CLEC16A: variants seen among roughly 807,000 people sequenced by gnomAD.
CLEC16A encodes the protein C-type lectin domain containing 16A, also known as protein CLEC16A.
A neutral mutation model predicts 109.5 loss-of-function variants in CLEC16A; 51 were observed. That is an observed-to-expected ratio of 0.47 (90% CI 0.37 to 0.59). The LOEUF is 0.59. Ranked by LOEUF, CLEC16A falls within the 20% of genes least tolerant of loss-of-function variation. CLEC16A has a pLI of 0.00. For synonymous variants in CLEC16A, 673 were observed against 564.2 expected (o/e 1.19, Z -2.73); for missense variants, 1,339 against 1,394.0 (o/e 0.96, Z 0.63).
chr16:10,988,398 C>A (rs2043800316), intron 10 of CLEC16A, among the ~76,000 whole-genome samples: 1 of 152,050 alleles, frequency 6.6e-6, no homozygotes, highest in South Asian at 2.1e-4. Context: ...CCTGGGCTTC[C>A]CTCCTCCCAT....
intron 22 of CLEC16A, among the ~76,000 whole-genome samples, chr16:11,144,482 A>G (rs923365759): frequency 6.6e-6 from 1 of 151,330 alleles, no homozygotes; most frequent in African/African-American, 2.4e-5. Flanking sequence ...AAGAAAAGCC[A>G]CCCTCCCCTC....
chr16:11,021,517 G>A (rs2046096489), intron 12 of CLEC16A, among the ~76,000 whole-genome samples: 1 of 152,218 alleles, frequency 6.6e-6, no homozygotes, highest in Non-Finnish European at 1.5e-5. Flanking sequence ...GGAGGATTAG[G>A]CCAGGCATGG....
At chr16:11,020,539 T>A (rs1179074244) in intron 12 of CLEC16A, among the ~76,000 whole-genome samples, 2 of 131,778 alleles carry the variant, frequency 1.5e-5, no homozygotes, top group Admixed American at 7.2e-5. Flanking sequence ...GCAAAGAGAT[T>A]CGCCAGGATA....
In CLEC16A at chr16:11,179,410, C is replaced by T. The variant is rs969383069; in HGVS notation, c.*720C>T. 1 of 152,082 alleles carries T rather than the reference C, an allele frequency of 6.6e-6. No individual in the cohort carries two copies. The highest frequency in any genetic ancestry group is 1.9e-4 in the East Asian group (1 of 5,192). The allele number at this position is 152,082 out of a possible 1,614,324, so 9.4% of individuals were successfully genotyped here. On this transcript the variant is annotated 3_prime_UTR_variant, in exon 24 of 24. Transcript: ENST00000409790. ...TGGAAAGTTTGGATTATTTTTTAAA[C>T]AAAAACAAGGGAGATACATGTATTC...
rs1204538560 is a variant in CLEC16A, at chr16:11,174,257, C to T, written c.2807-4078C>T. The T allele has an allele frequency of 4.3e-6, 2 of 465,384 alleles. No homozygotes were observed. The highest frequency in any genetic ancestry group is 2.0e-5 in the African/African-American group (1 of 50,086). The allele number at this position is 465,384 out of a possible 1,614,324, so 28.8% of individuals were successfully genotyped here. ...GCTCCGAACGGCAGCTGCCACGGCA[C>T]CTCACGCACAGTCAATTCAGGCAGG... On this transcript the variant is annotated intron_variant, in intron 23 of 23. Coordinates refer to ENST00000409790, the MANE Select transcript of CLEC16A (RefSeq NM_015226.3). The surrounding 1 kb of genome is among the most constrained non-coding windows in gnomAD (Gnocchi z 4.7).
intron 1 of CLEC16A, among the ~76,000 whole-genome samples, chr16:10,949,361 G>A (rs1297229671): frequency 2.6e-5 from 4 of 152,134 alleles, no homozygotes; most frequent in Non-Finnish European, 4.4e-5. Flanking sequence ...GGGAGCACAG[G>A]GAGTTAGGAA....
chr16:11,131,857 G>A (rs2153048191), intron 22 of CLEC16A, among the ~76,000 whole-genome samples: 1 of 152,250 alleles, frequency 6.6e-6, no homozygotes, highest in African/African-American at 2.4e-5. Context: ...ACACAATCCA[G>A]CCCTTCAGCC....
At chr16:11,096,839 T>C (rs1056251515) in intron 19 of CLEC16A, among the ~76,000 whole-genome samples, 3 of 152,214 alleles carry the variant, frequency 2.0e-5, no homozygotes, top group African/African-American at 7.2e-5. Flanking sequence ...TTTGCGTTGA[T>C]GTAAATGAAA....
At chr16:11,125,284 A>G (rs1475670234) in intron 21 of CLEC16A, among the ~76,000 whole-genome samples, 1 of 151,914 alleles carries the variant, frequency 6.6e-6, no homozygotes, top group African/African-American at 2.4e-5. Context: ...TTCTTTTAAG[A>G]TTTATTTTCA....
intron 22 of CLEC16A, among the ~76,000 whole-genome samples, chr16:11,161,526 C>A (rs1055630958): frequency 6.6e-6 from 1 of 152,026 alleles, no homozygotes; most frequent in Non-Finnish European, 1.5e-5. Flanking sequence ...ATTTCCACAT[C>A]CCCACTCCTA....
intron 2 of CLEC16A, 138 bp downstream of exon 2, chr16:10,958,048 T>C: frequency 1.4e-6 from 1 of 714,660 alleles, no homozygotes; most frequent in Non-Finnish European, 2.0e-6. Context: ...TCTGTCTAGC[T>C]GTAAAAAAAA....
intron 19 of CLEC16A, among the ~76,000 whole-genome samples, chr16:11,076,195 G>A (rs1219359649): frequency 6.6e-6 from 1 of 152,130 alleles, no homozygotes; most frequent in African/African-American, 2.4e-5. Flanking sequence ...TTCCCATTGT[G>A]GTGTCAGCTC....
At chr16:11,069,834 G>A (rs1009431082) in intron 19 of CLEC16A, among the ~76,000 whole-genome samples, 3 of 152,198 alleles carry the variant, frequency 2.0e-5, no homozygotes, top group Admixed American at 6.5e-5. Context: ...TATTTACATA[G>A]CCATCTCATT....
At position 10,979,376 on chromosome 16, in the gene CLEC16A, G is replaced by T; in HGVS notation, c.951G>T (p.Leu317=). ...GCCTGCCGGTGTCTCTTTATCTTCTGTCACAGGTATGCTTGATCATTCACC... is the reference window on the plus strand; with the variant it reads ...GCCTGCCGGTGTCTCTTTATCTTCTTTCACAGGTATGCTTGATCATTCACC... ...KISLPVSLYL[L]SQVFLIIHHA... Residue 317 remains leucine, a synonymous_variant, in exon 9 of 24, where the codon CTG becomes CTT. Transcript: ENST00000409790. 2 of 1,612,932 alleles carry T rather than the reference G, an allele frequency of 1.2e-6. No individual in the cohort carries two copies. Among genetic ancestry groups the T allele is most frequent in the South Asian group, 2.2e-5 (2 of 90,800 alleles).
chr16:11,133,906 G>T (rs965323445), intron 22 of CLEC16A, among the ~76,000 whole-genome samples: 2 of 152,192 alleles, frequency 1.3e-5, no homozygotes, highest in Non-Finnish European at 2.9e-5. Flanking sequence ...CAGCAGGTTA[G>T]TGAGGCGGGT....
intron 11 of CLEC16A, among the ~76,000 whole-genome samples, chr16:11,017,189 C>T (rs921837512): frequency 9.2e-5 from 14 of 152,146 alleles, no homozygotes; most frequent in South Asian, 2.1e-4. Flanking sequence ...CATTGCCACT[C>T]GGGCCCGCTG....
At chr16:10,945,293 G>A (rs2041297457) in intron 1 of CLEC16A, among the ~76,000 whole-genome samples, 1 of 152,188 alleles carries the variant, frequency 6.6e-6, no homozygotes, top group Non-Finnish European at 1.5e-5. Flanking sequence ...ATAAGAGAAT[G>A]AACGTTAAGC....
chr16:11,154,061 C>G (rs543438344), intron 22 of CLEC16A, among the ~76,000 whole-genome samples: 2 of 152,224 alleles, frequency 1.3e-5, no homozygotes, highest in African/African-American at 4.8e-5. Flanking sequence ...GAGAGAGGAA[C>G]ACACACAGGT....
intron 19 of CLEC16A, among the ~76,000 whole-genome samples, chr16:11,113,847 A>G (rs1005968339): frequency 3.9e-5 from 6 of 152,158 alleles, no homozygotes; most frequent in African/African-American, 1.4e-4. Context: ...TTGCTGGAAA[A>G]TTGACTCTTC....
Sources: allele counts gnomAD v4.1 joint callset (sites outside exome capture counted in the v4.1 genomes callset), GRCh38; gene constraint gnomAD v4.1.1; non-coding constraint Gnocchi (gnomAD v3.1); transcripts MANE v1.5; gene names NCBI Gene and HGNC (gene_info 2026-07-23, HGNC 2026-07-21).